The following UTRN variants were observed in gnomAD, a reference collection of about 807,000 sequenced individuals.
UTRN encodes utrophin.
A neutral mutation model predicts 463.9 loss-of-function variants in UTRN; 283 were observed. The ratio of observed to expected loss-of-function variants is 0.61; its 90% CI spans 0.55 to 0.67. The LOEUF is 0.67. UTRN is among the 30% of genes least tolerant of loss of function. The pLI is 0.00. For synonymous variants in UTRN, 1,442 were observed against 1,431.5 expected (o/e 1.01, Z -0.17); for missense variants, 3,922 against 4,084.3 (o/e 0.96, Z 1.08).
chr6:144,488,740 A>C lies in UTRN; in HGVS notation c.4040A>C (p.Gln1347Pro), dbSNP rs1236724271. 1.2e-6 allele frequency: 2 copies of C among 1,613,654 alleles called. No homozygotes were observed. Among genetic ancestry groups the C allele is most frequent in the Non-Finnish European group, 1.7e-6 (2 of 1,179,706 alleles). The change falls in exon 30 of 75, where the codon CAA (glutamine) becomes CCA (proline). Residue 1347 changes from glutamine to proline, a missense_variant. Gln to Pro is a moderately conservative substitution (Grantham distance 76). This residue lies in a region of UTRN where 2,349 missense variants were observed against 2,303.8 expected (regional missense o/e 1.02). Coordinates refer to ENST00000367545, the MANE Select transcript of UTRN (RefSeq NM_007124.3). ...CTGCGGGAAACTGACCAGATGCTTC[A>C]AGTCTTGCAAGAGAGCTTGGGGGAG... ...QVLRETDQML[Q>P]VLQESLGELD...
chr6:144,669,723 A>T lies in UTRN; in HGVS notation c.7480-8683A>T, dbSNP rs144644428. Among the ~76,000 whole-genome samples, 6 of 152,190 alleles carry T rather than the reference A, an allele frequency of 3.9e-5. No individual in the cohort carries two copies. In the East Asian group the frequency reaches 1.2e-3, roughly 29 times the overall value. On this transcript the variant is annotated intron_variant, in intron 51 of 74. Coordinates refer to ENST00000367545, the MANE Select transcript of UTRN (RefSeq NM_007124.3). Reference sequence around the variant, plus strand: ...CACTGAACCTAATGTGTAGTCTTTTATCCCTCACCCCACCTCCCACCCTTC... The same window carrying T: ...CACTGAACCTAATGTGTAGTCTTTTTTCCCTCACCCCACCTCCCACCCTTC...
At chr6:144,850,803 C>A (rs1260868189) in intron 74 of UTRN, among the ~76,000 whole-genome samples, 186 bp from the exon 75 acceptor site, 2 of 152,188 alleles carry the variant, frequency 1.3e-5, no homozygotes, top group Admixed American at 1.3e-4. Flanking sequence ...AAATCAGCTG[C>A]AGTGATAGAA....
chr6:144,531,361 A>C (rs1390741652), intron 42 of UTRN, among the ~76,000 whole-genome samples, 159 bp downstream of exon 42: 4 of 152,244 alleles, frequency 2.6e-5, no homozygotes, highest in African/African-American at 9.6e-5. Context: ...ATAAAAGTTT[A>C]AGAAATTGGT....
At chr6:144,764,082 GT>G (rs1364596750) in intron 58 of UTRN, among the ~76,000 whole-genome samples, 6 of 152,154 alleles carry the variant, frequency 3.9e-5, no homozygotes, top group Non-Finnish European at 7.4e-5. Flanking sequence ...CTGTGACTCT[GT>G]TTTTACTGAA....
chr6:144,660,779 A>G lies in UTRN; in HGVS notation c.7480-17627A>G, dbSNP rs149535088. ...AGTCGCTTCACAGTGACAGTGGCAC[A>G]TCTGACCTCAGGCTTTTTATCTGAG... On this transcript the variant is annotated intron_variant, in intron 51 of 74. Coordinates refer to ENST00000367545, the MANE Select transcript of UTRN (RefSeq NM_007124.3). 2.3e-3 allele frequency among the ~76,000 whole-genome samples: 345 copies of G among 152,308 alleles called. 1 individual carries two copies. The highest frequency in any genetic ancestry group is 0.015 in the East Asian group (79 of 5,176).
chr6:144,480,814 A>G (rs1330987060), intron 26 of UTRN, among the ~76,000 whole-genome samples: 3 of 152,162 alleles, frequency 2.0e-5, no homozygotes, highest in African/African-American at 7.2e-5. Context: ...TAGAAGTGTA[A>G]CTAAAGCAAA....
At chr6:144,459,801 G>A (rs1246943457) in intron 21 of UTRN, among the ~76,000 whole-genome samples, 1 of 151,944 alleles carries the variant, frequency 6.6e-6, no homozygotes, top group South Asian at 2.1e-4. Context: ...TGTTGCCCAC[G>A]CTGGTCTAGA....
chr6:144,716,701 C>G (rs1220350415), intron 53 of UTRN, among the ~76,000 whole-genome samples: 1 of 152,146 alleles, frequency 6.6e-6, no homozygotes, highest in Non-Finnish European at 1.5e-5. Context: ...CAACCCTTTT[C>G]ATTTTGCATT....
intron 50 of UTRN, among the ~76,000 whole-genome samples, chr6:144,565,975 AC>A (rs1421881442): frequency 2.0e-5 from 3 of 152,128 alleles, no homozygotes; most frequent in Non-Finnish European, 2.9e-5. Context: ...TATGAGAATG[AC>A]CCACTAGATG....
In UTRN at chr6:144,732,259, C is replaced by CATATATATATATAT. The variant is rs1472448349; in HGVS notation, c.7939+1774_7939+1775insTATATATATATATA. Reference sequence around the variant, plus strand: ...ATATACATATATATATATATATATACACACATATATATATATATACACACA... The same window carrying CATATATATATATAT: ...ATATACATATATATATATATATATACATATATATATATATACACATATATATATATATACACACA... On this transcript the variant is annotated intron_variant, in intron 54 of 74. Transcript: ENST00000367545. 4.9e-4 allele frequency among the ~76,000 whole-genome samples: 46 copies of CATATATATATATAT among 94,668 alleles called. 1 individual carries two copies. Among genetic ancestry groups the CATATATATATATAT allele is most frequent in the African/African-American group, 1.3e-3 (27 of 20,748 alleles). The allele number at this position is 94,668 out of a possible 152,430, so 62.1% of individuals were successfully genotyped here. A position where few individuals can be genotyped will look rare whatever the true frequency, so the allele number is the denominator to read the frequency against.
At chr6:144,566,612 G>A (rs1484807415) in intron 50 of UTRN, among the ~76,000 whole-genome samples, 1 of 152,054 alleles carries the variant, frequency 6.6e-6, no homozygotes, top group East Asian at 1.9e-4. Flanking sequence ...CCTTAAGTTG[G>A]ATTTCAAACT....
chr6:144,655,355 C>G (rs1779219422), intron 51 of UTRN, among the ~76,000 whole-genome samples: 1 of 152,230 alleles, frequency 6.6e-6, no homozygotes, highest in Non-Finnish European at 1.5e-5. Context: ...GAATTGAAAA[C>G]TCAGATCACG....
intron 50 of UTRN, among the ~76,000 whole-genome samples, chr6:144,562,439 G>C (rs930723812): frequency 6.6e-6 from 1 of 152,112 alleles, no homozygotes; most frequent in African/African-American, 2.4e-5. Flanking sequence ...ACATTTATAA[G>C]TGAGAACATG....
At position 144,488,859 on chromosome 6, in the gene UTRN, T is replaced by C. The variant is rs9496983; in HGVS notation, c.4134+25T>C. ...GGTATTGCCGTGCATTTGAGGGCTT[T>C]TGAGCTGTAAAGAGAGCTTTTGTAA... is the stretch of plus-strand genomic sequence containing the variant. On this transcript the variant is annotated intron_variant, in intron 30 of 74. Transcript: ENST00000367545. 5.2e-3 allele frequency: 8,202 copies of C among 1,563,358 alleles called. 412 individuals carry two copies. The African/African-American group carries it at 0.099, about 19-fold the overall frequency.
At chr6:144,558,611 C>A (rs1799591464) in intron 50 of UTRN, among the ~76,000 whole-genome samples, 1 of 151,760 alleles carries the variant, frequency 6.6e-6, no homozygotes, top group Admixed American at 6.6e-5. Context: ...TGCACATGTA[C>A]CCTAAAACTT....
At chr6:144,634,806 C>T (rs1052587127) in intron 51 of UTRN, among the ~76,000 whole-genome samples, 6 of 152,082 alleles carry the variant, frequency 3.9e-5, no homozygotes, top group Admixed American at 3.9e-4. Context: ...CACTTAGGAT[C>T]ATGTGTTTAA....
intron 21 of UTRN, among the ~76,000 whole-genome samples, chr6:144,460,298 T>G (rs1308672862): frequency 6.6e-6 from 1 of 152,232 alleles, no homozygotes; most frequent in East Asian, 1.9e-4. Context: ...TAGCTGCCAT[T>G]TGAGTTAGGA....
chr6:144,473,949 A>G (rs903594958), intron 24 of UTRN, 116 bp downstream of exon 24: 2 of 629,086 alleles, frequency 3.2e-6, no homozygotes, highest in African/African-American at 1.9e-5. Context: ...TCTAGATAAA[A>G]TATCTTTCAT....
intron 2 of UTRN, among the ~76,000 whole-genome samples, chr6:144,304,385 C>T (rs559875903): frequency 2.0e-5 from 3 of 151,982 alleles, no homozygotes; most frequent in East Asian, 1.9e-4. Flanking sequence ...TGTGGATTGG[C>T]GCATGGTGAA....
Sources: allele counts gnomAD v4.1 joint callset (sites outside exome capture counted in the v4.1 genomes callset), GRCh38; gene constraint gnomAD v4.1.1; regional missense constraint gnomAD v4.1.1; transcripts MANE v1.5; gene names NCBI Gene and HGNC (gene_info 2026-07-23, HGNC 2026-07-21).